The following PCSK1 variants were observed in gnomAD, a reference collection of about 807,000 sequenced individuals.
PCSK1 encodes the protein proprotein convertase subtilisin/kexin type 1.
PCSK1 carries 56 observed loss-of-function variants against 90.6 expected under a neutral mutation model. The ratio of observed to expected loss-of-function variants is 0.62; its 90% CI spans 0.50 to 0.77. The LOEUF is 0.77. PCSK1 is among the 30% of genes least tolerant of loss of function. The pLI, the probability that PCSK1 is intolerant of heterozygous loss-of-function variation, is 0.00. For synonymous variants in PCSK1, 348 were observed against 342.4 expected, an observed-to-expected ratio of 1.02 and a Z score of -0.18; for missense variants, 801 against 932.6, an observed-to-expected ratio of 0.86 and a Z score of 1.84.
chr5:96,391,628 T>TGG lies in PCSK1; in HGVS notation c.*1372_*1373insCC, dbSNP rs1759946577. On this transcript the variant is annotated 3_prime_UTR_variant, in exon 14 of 14. Transcript: ENST00000311106. ...TAGTGTAGGAGTGGGCAAAATCAAA[T>TGG]GCCTATTGGATACTGCCCAGCAAGG... 6.6e-6 allele frequency: 1 copy of TGG among 152,184 alleles called. No homozygotes were observed. The highest frequency in any genetic ancestry group is 2.4e-5 in the African/African-American group (1 of 41,450). 9.4% of individuals were successfully genotyped at this position (152,184 alleles called of 1,614,324 possible).
At chr5:96,426,796 G>A (rs1255864565) in intron 2 of PCSK1, among the ~76,000 whole-genome samples, 1 of 152,124 alleles carries the variant, frequency 6.6e-6, no homozygotes, top group African/African-American at 2.4e-5. Flanking sequence ...GAGTACTCAT[G>A]AATCAGCTCC....
intron 8 of PCSK1, among the ~76,000 whole-genome samples, chr5:96,409,552 A>T (rs1760685479): frequency 6.6e-6 from 1 of 152,228 alleles, no homozygotes; most frequent in South Asian, 2.1e-4. Context: ...AGTTTTACAA[A>T]GATAGAAAAT....
chr5:96,394,459 A>G (rs905204115), intron 13 of PCSK1, among the ~76,000 whole-genome samples: 3 of 152,228 alleles, frequency 2.0e-5, no homozygotes, highest in African/African-American at 7.2e-5. Context: ...TTTCTGCAAA[A>G]TGGATACACG....
intron 9 of PCSK1, among the ~76,000 whole-genome samples, chr5:96,406,431 C>T (rs1019101325): frequency 3.3e-5 from 5 of 152,174 alleles, no homozygotes; most frequent in Admixed American, 2.0e-4. Flanking sequence ...GGCCCAATAT[C>T]TATTTCTAAT....
At chr5:96,418,625 T>A (rs912465339) in intron 5 of PCSK1, among the ~76,000 whole-genome samples, 1 of 152,214 alleles carries the variant, frequency 6.6e-6, no homozygotes, top group East Asian at 1.9e-4. Context: ...GATAATAACC[T>A]TGGAATTGGG....
Position 96,425,892 on chromosome 5 carries a change from AC to A in PCSK1, c.323del (p.Ser108IlefsTer6). 1 of 1,612,548 alleles carries A rather than the reference AC, an allele frequency of 6.2e-7. No homozygotes were observed. The highest frequency in any genetic ancestry group is 8.5e-7 in the Non-Finnish European group (1 of 1,178,728). On this transcript the variant is annotated frameshift_variant, in exon 3 of 14. Transcript: ENST00000311106. LOFTEE classifies it high-confidence loss of function. ...CTGAGTCCCTTAGAGCTGAACGTTT[AC>A]TTCTTTCTTTTTCATACTGTTGTTC... ...WAEQQYEKER[S>X]KRSALRDSAL... is the part of the protein sequence containing the mutation.
At chr5:96,407,240 T>G (rs1198851726) in intron 9 of PCSK1, among the ~76,000 whole-genome samples, 1 of 152,030 alleles carries the variant, frequency 6.6e-6, no homozygotes, top group African/African-American at 2.4e-5. Context: ...AATTAAAAGG[T>G]AAATGTCAAA....
rs751421606 is a variant in PCSK1, at chr5:96,429,282, A to G, written c.216T>C (p.His72=). 5.6e-6 allele frequency: 9 copies of G among 1,597,254 alleles called. No individual in the cohort carries two copies. The highest frequency in any genetic ancestry group is 2.2e-5 in the East Asian group (1 of 44,708). Residue 72 remains histidine (H), a synonymous_variant, in exon 2 of 14, where the codon CAT becomes CAC. Transcript: ENST00000311106. ...TTCGAGACCTTCTGGGGTGGTTTTT[A>G]TGTTTGAATAAGTAGTGATTTTCAA... is the stretch of plus-strand genomic sequence containing the variant. ...GSLENHYLFK[H]KNHPRRSRRS... is the part of the protein sequence containing the mutation.
intron 9 of PCSK1, among the ~76,000 whole-genome samples, chr5:96,406,590 A>G (rs1014341104): frequency 6.6e-6 from 1 of 152,218 alleles, no homozygotes; most frequent in African/African-American, 2.4e-5. Context: ...CCCCATCTCC[A>G]TAGGAAGCCC....
At position 96,413,037 on chromosome 5, in the gene PCSK1, G is replaced by A. The variant is rs572295884; in HGVS notation, c.710-547C>T. The A allele has an allele frequency of 1.8e-4, 140 of 787,262 alleles. 1 individual carries two copies. The Middle Eastern group carries it at 2.0e-3, about 11-fold the overall frequency. 48.8% of individuals were successfully genotyped at this position (787,262 alleles called of 1,614,324 possible). On this transcript the variant is annotated intron_variant, in intron 6 of 13. Transcript: ENST00000311106. ...AAGGACTCTGGACAGGAAACATGTA[G>A]CTTCAAAAGATCTAGTCACAACAGG...
intron 5 of PCSK1, 112 bp from the exon 6 acceptor site, chr5:96,416,233 T>A: frequency 1.3e-6 from 1 of 742,260 alleles, no homozygotes; most frequent in Non-Finnish European, 2.4e-6. Context: ...GCCTTGTTAC[T>A]GTTTTTGTTT....
At chr5:96,418,797 A>G (rs559433156) in intron 5 of PCSK1, among the ~76,000 whole-genome samples, 3 of 152,166 alleles carry the variant, frequency 2.0e-5, no homozygotes, top group Non-Finnish European at 2.9e-5. Context: ...TTGATAGTCA[A>G]GAGGATCCTG....
chr5:96,401,353 A>C (rs1457929270), intron 9 of PCSK1, among the ~76,000 whole-genome samples: 1 of 152,164 alleles, frequency 6.6e-6, no homozygotes, highest in Non-Finnish European at 1.5e-5. Flanking sequence ...GGGACAGTAC[A>C]GGTGTGGCCA....
chr5:96,407,297 T>A (rs1201330159), intron 9 of PCSK1, among the ~76,000 whole-genome samples: 1 of 152,024 alleles, frequency 6.6e-6, no homozygotes, highest in African/African-American at 2.4e-5. Context: ...AAAACAAAAC[T>A]AAGGCCATAA....
chr5:96,405,528 A>G (rs924864506), intron 9 of PCSK1, among the ~76,000 whole-genome samples: 6 of 152,176 alleles, frequency 3.9e-5, no homozygotes, highest in Admixed American at 1.3e-4. Flanking sequence ...CAAATTAGCC[A>G]GGCATGGTGG....
chr5:96,392,314 C>T lies in PCSK1; in HGVS notation c.*687G>A, dbSNP rs1261327470. 2 of 152,286 alleles carry T rather than the reference C, an allele frequency of 1.3e-5. No individual in the cohort carries two copies. Among genetic ancestry groups the T allele is most frequent in the African/African-American group, 4.8e-5 (2 of 41,440 alleles). 9.4% of individuals were successfully genotyped at this position (152,286 alleles called of 1,614,324 possible). On this transcript the variant is annotated 3_prime_UTR_variant, in exon 14 of 14. Transcript: ENST00000311106. ...CATGCAGCACGAGTCATAACCACCT[C>T]TGGATCCACGGACGCCTCTGGCACC...
intron 9 of PCSK1, among the ~76,000 whole-genome samples, chr5:96,400,853 C>T (rs193069188): frequency 0.33 from 49,169 of 150,406 alleles, 8,551 homozygotes; most frequent in African/African-American, 0.48. Context: ...TTTGGGAGGC[C>T]GAGGCGGGCG....
intron 5 of PCSK1, among the ~76,000 whole-genome samples, chr5:96,420,693 G>A (rs1459470290): frequency 7.2e-6 from 1 of 139,358 alleles, no homozygotes; most frequent in African/African-American, 2.6e-5. Flanking sequence ...CTTTAGATCA[G>A]TATTACTGCA....
At chr5:96,420,945 C>A (rs78841417) in intron 5 of PCSK1, among the ~76,000 whole-genome samples, 3,754 of 152,274 alleles carry the variant, frequency 0.025, 152 homozygotes, top group African/African-American at 0.086. Flanking sequence ...TCACTTGTAG[C>A]AACAAGCCCT....
Sources: allele counts gnomAD v4.1 joint callset (sites outside exome capture counted in the v4.1 genomes callset), GRCh38; gene constraint gnomAD v4.1.1; transcripts MANE v1.5; gene names NCBI Gene and HGNC (gene_info 2026-07-23, HGNC 2026-07-21).